PBX3: variants seen among roughly 807,000 people sequenced by gnomAD.
PBX3 encodes pre-B-cell leukemia transcription factor 3.
A neutral mutation model predicts 48.5 loss-of-function variants in PBX3; 14 were observed. The observed-to-expected ratio is 0.29, with a 90% CI of 0.19 to 0.45. PBX3 has a LOEUF of 0.45. Ranked by LOEUF, PBX3 falls within the 20% of genes least tolerant of loss-of-function variation. The pLI, the probability that PBX3 is intolerant of heterozygous loss-of-function variation, is 1.00. For synonymous variants in PBX3, 210 were observed against 200.3 expected (o/e 1.05, Z -0.41); for missense variants, 386 against 546.7 (o/e 0.71, Z 2.93).
chr9:125,905,526 A>G (rs149288525), intron 2 of PBX3, among the ~76,000 whole-genome samples: 122 of 152,130 alleles, frequency 8.0e-4, no homozygotes, highest in South Asian at 1.7e-3. Flanking sequence ...GATGTTTGTG[A>G]AAAATGTCTT....
chr9:125,847,555 AT>A (rs1171395625), intron 2 of PBX3, among the ~76,000 whole-genome samples: 1 of 152,024 alleles, frequency 6.6e-6, no homozygotes, highest in Non-Finnish European at 1.5e-5. Flanking sequence ...TATGCTCATA[AT>A]TGTTTTCCCA....
intron 2 of PBX3, among the ~76,000 whole-genome samples, chr9:125,753,338 A>G (rs1836426360): frequency 6.7e-6 from 1 of 149,124 alleles, no homozygotes; most frequent in South Asian, 2.1e-4. Context: ...CTTTTGTAGG[A>G]GGTTTTCAGA....
At chr9:125,747,951 C>A (rs971980174) in intron 1 of PBX3, among the ~76,000 whole-genome samples, 1 of 151,788 alleles carries the variant, frequency 6.6e-6, no homozygotes, top group Non-Finnish European at 1.5e-5. Flanking sequence ...TTTAAACCTC[C>A]CGCCCCGACC....
intron 5 of PBX3, among the ~76,000 whole-genome samples, chr9:125,958,568 C>T (rs1489038138): frequency 1.3e-5 from 2 of 152,124 alleles, no homozygotes; most frequent in African/African-American, 2.4e-5. Context: ...CCCATTAGGA[C>T]TATCCAACAA....
intron 2 of PBX3, among the ~76,000 whole-genome samples, chr9:125,792,302 C>T (rs1386033938): frequency 2.6e-5 from 4 of 152,098 alleles, no homozygotes; most frequent in African/African-American, 4.8e-5. Context: ...AGGAACAGAT[C>T]CTTCAGGGTA....
At chr9:125,857,886 T>C (rs980268252) in intron 2 of PBX3, among the ~76,000 whole-genome samples, 44 of 152,222 alleles carry the variant, frequency 2.9e-4, no homozygotes, top group Non-Finnish European at 4.1e-4. Flanking sequence ...ATCTTTTCTT[T>C]AGCAAACAAG....
At chr9:125,771,578 T>C (rs1008685849) in intron 2 of PBX3, among the ~76,000 whole-genome samples, 7 of 152,204 alleles carry the variant, frequency 4.6e-5, no homozygotes, top group African/African-American at 1.7e-4. Flanking sequence ...CCTTGCATGA[T>C]ACCTTCCCTC....
At chr9:125,780,031 C>G (rs1837209844) in intron 2 of PBX3, among the ~76,000 whole-genome samples, 2 of 143,236 alleles carry the variant, frequency 1.4e-5, no homozygotes, top group African/African-American at 2.6e-5. Context: ...GCGCCCCTCA[C>G]CTCCCGGACG....
rs543285744 is a variant in PBX3, at chr9:125,778,244, G to C, written c.274+29621G>C. On this transcript the variant is annotated intron_variant, in intron 2 of 8. Coordinates refer to ENST00000373489, the MANE Select transcript of PBX3 (RefSeq NM_006195.6). Reference sequence around the variant, plus strand: ...CCCCAAGTGCTTGGATTACAGGTGTGAGCCACCGTGCCTGGCCCTCTTTTT... The same window carrying C: ...CCCCAAGTGCTTGGATTACAGGTGTCAGCCACCGTGCCTGGCCCTCTTTTT... 7.3e-5 allele frequency among the ~76,000 whole-genome samples: 11 copies of C among 149,702 alleles called. No individual in the cohort carries two copies. The East Asian group carries it at 1.2e-3, about 16-fold the overall frequency.
At chr9:125,837,334 A>G (rs1839166142) in intron 2 of PBX3, among the ~76,000 whole-genome samples, 1 of 151,012 alleles carries the variant, frequency 6.6e-6, no homozygotes, top group Non-Finnish European at 1.5e-5. Flanking sequence ...ATAGAAATGT[A>G]TACTTATTTT....
At position 125,785,862 on chromosome 9, in the gene PBX3, A is replaced by C. The variant is rs372588101; in HGVS notation, c.274+37239A>C. Among the ~76,000 whole-genome samples the C allele has an allele frequency of 7.9e-5, 12 of 152,248 alleles. No individual in the cohort carries two copies. The South Asian group carries it at 2.3e-3, about 29-fold the overall frequency. On this transcript the variant is annotated intron_variant, in intron 2 of 8. Transcript: ENST00000373489. ...TCAGGCGGCTGACTTTGAGCCTGCC[A>C]CTAAACCAGGTTGGGAGATGATACA...
intron 2 of PBX3, among the ~76,000 whole-genome samples, chr9:125,750,607 CTG>C (rs1836345186): frequency 6.6e-6 from 1 of 152,208 alleles, no homozygotes; most frequent in Admixed American, 6.5e-5. Context: ...CAAGAGGCAG[CTG>C]ACAAAAGAAA....
chr9:125,779,911 G>A (rs1588137982), intron 2 of PBX3, among the ~76,000 whole-genome samples: 1 of 126,712 alleles, frequency 7.9e-6, no homozygotes, highest in African/African-American at 3.0e-5. Flanking sequence ...CCTCCCTCCC[G>A]GACGGGGCGT....
chr9:125,881,934 A>G (rs551407898), intron 2 of PBX3, among the ~76,000 whole-genome samples: 7 of 152,058 alleles, frequency 4.6e-5, no homozygotes, highest in East Asian at 3.9e-4. Context: ...GTTTATGCCT[A>G]TAGTCTCTGC....
At chr9:125,780,067 A>AC (rs1437482468) in intron 2 of PBX3, among the ~76,000 whole-genome samples, 30 of 118,748 alleles carry the variant, frequency 2.5e-4, no homozygotes, top group African/African-American at 8.5e-4. Context: ...CAGGGGGCTG[A>AC]CCCCCCCACC....
intron 2 of PBX3, among the ~76,000 whole-genome samples, chr9:125,798,940 A>T (rs893476960): frequency 2.0e-5 from 3 of 152,054 alleles, no homozygotes; most frequent in African/African-American, 7.2e-5. Context: ...TTTAATATTA[A>T]TTTTAAAAAA....
chr9:125,758,703 A>G (rs10986883), intron 2 of PBX3, among the ~76,000 whole-genome samples: 8,970 of 152,170 alleles, frequency 0.059, 608 homozygotes, highest in East Asian at 0.17. Context: ...ATGCTGAAAA[A>G]ATAAGCCTCT....
intron 7 of PBX3, 107 bp from the exon 8 acceptor site, chr9:125,962,905 G>A: frequency 2.1e-6 from 1 of 470,186 alleles, no homozygotes; most frequent in Non-Finnish European, 3.8e-6. Context: ...GTCTTTCATT[G>A]AAGATGTTAA....
intron 2 of PBX3, among the ~76,000 whole-genome samples, chr9:125,773,613 G>C (rs942080785): frequency 6.1e-4 from 93 of 152,326 alleles, no homozygotes; most frequent in Non-Finnish European, 1.6e-4. Context: ...ATTGAATGTA[G>C]TATGTGAGGA....
Sources: allele counts gnomAD v4.1 joint callset (sites outside exome capture counted in the v4.1 genomes callset), GRCh38; gene constraint gnomAD v4.1.1; transcripts MANE v1.5; gene names NCBI Gene and HGNC (gene_info 2026-07-23, HGNC 2026-07-21).